CFAP54: variants seen among roughly 807,000 people sequenced by gnomAD.
The protein encoded by CFAP54 is cilia- and flagella-associated protein 54.
In CFAP54, 290 loss-of-function variants were observed where a neutral mutation model predicts 370.4. That is an observed-to-expected ratio of 0.78 (90% confidence interval 0.71 to 0.86). CFAP54 has a LOEUF of 0.86. CFAP54 is among the 40% of genes least tolerant of loss of function. The pLI is 0.00. For synonymous variants in CFAP54, 1,206 were observed against 1,236.5 expected, an observed-to-expected ratio of 0.98 and a Z score of 0.52; for missense variants, 3,399 against 3,528.7, an observed-to-expected ratio of 0.96 and a Z score of 0.93.
chr12:96,763,701 C>T (rs1958363825), intron 58 of CFAP54, among the ~76,000 whole-genome samples: 1 of 152,056 alleles, frequency 6.6e-6, no homozygotes, highest in African/African-American at 2.4e-5. Flanking sequence ...ATTGTTTGAA[C>T]CTGGGAGGCA....
chr12:96,637,335 T>C (rs1956673371), intron 32 of CFAP54, among the ~76,000 whole-genome samples: 1 of 152,202 alleles, frequency 6.6e-6, no homozygotes, highest in Non-Finnish European at 1.5e-5. Flanking sequence ...TTTTTGGCTA[T>C]TATAAATAAT....
At chr12:96,686,454 G>A (rs976477350) in intron 42 of CFAP54, among the ~76,000 whole-genome samples, 2 of 152,322 alleles carry the variant, frequency 1.3e-5, no homozygotes, top group Non-Finnish European at 2.9e-5. Context: ...TAATTGGTTC[G>A]TGGTTCTGCA....
At chr12:96,544,648 CAG>C (rs1955618569) in intron 14 of CFAP54, among the ~76,000 whole-genome samples, 1 of 152,194 alleles carries the variant, frequency 6.6e-6, no homozygotes, top group Non-Finnish European at 1.5e-5. Context: ...GAACGTGGCA[CAG>C]AGAGGCCAGG....
intron 43 of CFAP54, among the ~76,000 whole-genome samples, chr12:96,690,380 T>C (rs1325325933): frequency 6.6e-6 from 1 of 152,224 alleles, no homozygotes; most frequent in Non-Finnish European, 1.5e-5. Context: ...GATGCATTTG[T>C]CATTAAGAAA....
intron 65 of CFAP54, among the ~76,000 whole-genome samples, chr12:96,820,175 T>C (rs970677908): frequency 3.3e-5 from 5 of 152,162 alleles, no homozygotes; most frequent in Non-Finnish European, 7.4e-5. Flanking sequence ...ATTCTACCCA[T>C]CTCTCCTGCT....
chr12:96,601,760 T>A (rs1956245095), intron 26 of CFAP54, among the ~76,000 whole-genome samples: 2 of 152,234 alleles, frequency 1.3e-5, no homozygotes. Context: ...GTTTATAGTA[T>A]TCTCTGCTGG....
intron 6 of CFAP54, among the ~76,000 whole-genome samples, chr12:96,521,625 T>A (rs1955321037): frequency 6.6e-6 from 1 of 152,184 alleles, no homozygotes; most frequent in African/African-American, 2.4e-5. Flanking sequence ...TTAAGTGATA[T>A]TTCAGCTTTC....
intron 33 of CFAP54, chr12:96,646,503 C>G (rs1464293304): frequency 2.0e-5 from 3 of 152,162 alleles, no homozygotes; most frequent in Non-Finnish European, 4.4e-5. Flanking sequence ...GTTGGTGGGA[C>G]TGTATGTAAA....
intron 60 of CFAP54, among the ~76,000 whole-genome samples, chr12:96,773,917 A>T (rs563863859): frequency 3.3e-5 from 5 of 152,284 alleles, no homozygotes; most frequent in South Asian, 4.1e-4. Context: ...TGAAAATTTG[A>T]TATTTTTTGC....
chr12:96,764,338 A>T, intron 59 of CFAP54, 89 bp downstream of exon 59: 1 of 988,908 alleles, frequency 1.0e-6, no homozygotes, highest in Non-Finnish European at 1.5e-6. Flanking sequence ...TAAAAGAGAA[A>T]GGAGTTGGGT....
intron 64 of CFAP54, among the ~76,000 whole-genome samples, chr12:96,817,542 T>C (rs1429170803): frequency 1.3e-5 from 2 of 151,974 alleles, no homozygotes; most frequent in Non-Finnish European, 2.9e-5. Flanking sequence ...TGCCTCAGCC[T>C]CCTGAGTAGC....
At chr12:96,732,158 C>T (rs1350913362) in intron 50 of CFAP54, among the ~76,000 whole-genome samples, 2 of 151,984 alleles carry the variant, frequency 1.3e-5, no homozygotes, top group Non-Finnish European at 2.9e-5. Context: ...CAGAGTCTTG[C>T]TGTGTCACCC....
intron 12 of CFAP54, among the ~76,000 whole-genome samples, 163 bp downstream of exon 12, chr12:96,535,763 A>C (rs1311441082): frequency 6.6e-6 from 1 of 152,180 alleles, no homozygotes; most frequent in Non-Finnish European, 1.5e-5. Context: ...TGTAGTTTTA[A>C]GTTTCTTTTT....
Position 96,533,974 on chromosome 12 carries a change from G to A in CFAP54, c.1539+1G>A. On this transcript the variant is annotated splice_donor_variant, in intron 10 of 67. Coordinates refer to ENST00000524981, the MANE Select transcript of CFAP54 (RefSeq NM_001306084.2). LOFTEE classifies it high-confidence loss of function. ...TGTACATCTTATTTATTTTCTCCAGGTAATATATGCAAAATTATCCTCCTG... is the reference window on the plus strand; with the variant it reads ...TGTACATCTTATTTATTTTCTCCAGATAATATATGCAAAATTATCCTCCTG... The A allele has an allele frequency of 6.6e-7, 1 of 1,506,868 alleles. No homozygotes were observed. Among genetic ancestry groups the A allele is most frequent in the South Asian group, 1.3e-5 (1 of 78,100 alleles). The allele number at this position is 1,506,868 out of a possible 1,614,324, so 93.3% of individuals were successfully genotyped here.
At chr12:96,619,965 A>G (rs1956467438) in intron 26 of CFAP54, among the ~76,000 whole-genome samples, 1 of 152,116 alleles carries the variant, frequency 6.6e-6, no homozygotes, top group Non-Finnish European at 1.5e-5. Flanking sequence ...CAGGCATGGG[A>G]TTTTTAGAGA....
chr12:96,710,446 A>G (rs1957597930), intron 48 of CFAP54, among the ~76,000 whole-genome samples: 1 of 152,162 alleles, frequency 6.6e-6, no homozygotes, highest in Admixed American at 6.6e-5. Flanking sequence ...CCCTGGGGGC[A>G]TAGGGGCTGT....
intron 4 of CFAP54, among the ~76,000 whole-genome samples, chr12:96,508,771 T>C (rs1169357389): frequency 6.6e-6 from 1 of 151,996 alleles, no homozygotes; most frequent in African/African-American, 2.4e-5. Flanking sequence ...AGTTCCTGTA[T>C]GTAAATCTAA....
At chr12:96,630,421 T>C (rs1592894622) in intron 31 of CFAP54, 130 bp from the exon 32 acceptor site, 2 of 614,932 alleles carry the variant, frequency 3.3e-6, no homozygotes, top group East Asian at 5.8e-5. Flanking sequence ...CTGCCTTTGA[T>C]AGTAATTTTA....
chr12:96,573,801 G>A (rs901240298), intron 19 of CFAP54, among the ~76,000 whole-genome samples: 4 of 152,082 alleles, frequency 2.6e-5, no homozygotes, highest in African/African-American at 4.8e-5. Context: ...GTCTAAATAC[G>A]GAAGGACTGG....
Sources: gnomAD v4.1 joint callset for allele counts (sites outside exome capture counted in the v4.1 genomes callset) on GRCh38, gnomAD v4.1.1 for gene constraint, MANE v1.5 for transcripts, NCBI Gene and HGNC (gene_info 2026-07-23, HGNC 2026-07-21) for gene names.